The following TNFAIP8 variants were observed in gnomAD, a reference collection of about 807,000 sequenced individuals.
TNFAIP8 encodes tumor necrosis factor alpha-induced protein 8.
In TNFAIP8, 7 loss-of-function variants were observed where a neutral mutation model predicts 13.3. That is an observed-to-expected ratio of 0.52 (90% CI 0.30 to 0.99). TNFAIP8 has a LOEUF of 0.99. TNFAIP8 is among the 50% of genes least tolerant of loss of function. The probability of loss-of-function intolerance (pLI) is 0.07; values close to 1 mark genes in which losing one functional copy is unlikely to be tolerated. For synonymous variants in TNFAIP8, 94 were observed against 87.6 expected (o/e 1.07, Z -0.41); for missense variants, 258 against 236.9 (o/e 1.09, Z -0.58).
intron 1 of TNFAIP8, among the ~76,000 whole-genome samples, chr5:119,313,168 G>A (rs765651454): frequency 4.6e-5 from 7 of 152,168 alleles, no homozygotes; most frequent in Non-Finnish European, 8.8e-5. Flanking sequence ...GGTCAGCTTC[G>A]TATTTGTCAT....
intron 1 of TNFAIP8, among the ~76,000 whole-genome samples, chr5:119,275,563 G>C (rs1413696794): frequency 1.3e-5 from 2 of 150,526 alleles, no homozygotes; most frequent in East Asian, 3.9e-4. Context: ...AATCTATTCT[G>C]TTCTCAGAGT....
intron 1 of TNFAIP8, among the ~76,000 whole-genome samples, chr5:119,341,401 T>G (rs1750732774): frequency 6.7e-6 from 1 of 150,350 alleles, no homozygotes; most frequent in African/African-American, 2.5e-5. Context: ...GCATTGAAGT[T>G]CAGTTAAAAA....
At chr5:119,339,512 A>G (rs1308476552) in intron 1 of TNFAIP8, among the ~76,000 whole-genome samples, 2 of 120,006 alleles carry the variant, frequency 1.7e-5, no homozygotes, top group East Asian at 4.8e-4. Context: ...GTGACTGGCT[A>G]TGGTATGTAG....
intron 1 of TNFAIP8, among the ~76,000 whole-genome samples, chr5:119,389,748 C>T (rs542023905): frequency 2.0e-5 from 3 of 152,106 alleles, no homozygotes; most frequent in Admixed American, 6.5e-5. Flanking sequence ...TTTAAAAAGA[C>T]GACTTCACTG....
chr5:119,354,048 G>A (rs1164924747), upstream of TNFAIP8, among the ~76,000 whole-genome samples: 3 of 152,222 alleles, frequency 2.0e-5, no homozygotes, highest in Non-Finnish European at 2.9e-5. Flanking sequence ...GGGGCAGAAT[G>A]TTGACTTGGG....
Position 119,393,295 on chromosome 5 carries a change from T to C in TNFAIP8, c.511T>C (p.Leu171=). The change falls in exon 2 of 2, where the codon TTG becomes CTG. Residue 171 remains leucine (L), a synonymous_variant. Transcript: ENST00000504771. ...HFSDCEFLAA[L]YNPFGNFKPH... ...TTCAGATTGTGAATTTTTGGCTGCC[T>C]TGTATAATCCTTTTGGGAATTTTAA... 6.2e-7 allele frequency: 1 copy of C among 1,614,046 alleles called. No homozygotes were observed. Among genetic ancestry groups the C allele is most frequent in the Non-Finnish European group, 8.5e-7 (1 of 1,179,882 alleles).
chr5:119,289,288 G>T (rs1322569941), intron 1 of TNFAIP8, among the ~76,000 whole-genome samples: 1 of 147,112 alleles, frequency 6.8e-6, no homozygotes, highest in Non-Finnish European at 1.5e-5. Flanking sequence ...TGAAAGAACT[G>T]CCAAAAGATT....
intron 1 of TNFAIP8, among the ~76,000 whole-genome samples, chr5:119,390,424 G>A (rs963322272): frequency 6.6e-6 from 1 of 152,098 alleles, no homozygotes; most frequent in Non-Finnish European, 1.5e-5. Flanking sequence ...ATTCTTTAGT[G>A]TGAATTAATC....
chr5:119,316,709 G>A (rs942113817), intron 1 of TNFAIP8, among the ~76,000 whole-genome samples: 36 of 152,138 alleles, frequency 2.4e-4, no homozygotes, highest in African/African-American at 8.4e-4. Flanking sequence ...TGAGACTCAG[G>A]TATCAGTATT....
chr5:119,335,195 A>G (rs1750513802), intron 1 of TNFAIP8, among the ~76,000 whole-genome samples: 1 of 152,080 alleles, frequency 6.6e-6, no homozygotes, highest in Non-Finnish European at 1.5e-5. Context: ...TGCCTGTGGG[A>G]GCATCACCAC....
intron 1 of TNFAIP8, among the ~76,000 whole-genome samples, chr5:119,275,302 C>A (rs1748406514): frequency 6.6e-6 from 1 of 152,178 alleles, no homozygotes; most frequent in South Asian, 2.1e-4. Context: ...ATTGGAGAGT[C>A]TGCCCAGTGT....
At chr5:119,341,704 AT>A (rs950119074) in intron 1 of TNFAIP8, among the ~76,000 whole-genome samples, 2 of 151,268 alleles carry the variant, frequency 1.3e-5, no homozygotes, top group South Asian at 2.1e-4. Flanking sequence ...CACGGAAGTC[AT>A]TTTTTTTTGG....
chr5:119,362,268 G>A (rs1751663991), intron 1 of TNFAIP8, among the ~76,000 whole-genome samples: 1 of 152,214 alleles, frequency 6.6e-6, no homozygotes, highest in Non-Finnish European at 1.5e-5. Flanking sequence ...GCTGGGATCA[G>A]GAAGAATGTC....
intron 1 of TNFAIP8, among the ~76,000 whole-genome samples, chr5:119,274,769 ACATCATTAT>A (rs923750296): frequency 3.9e-5 from 6 of 152,212 alleles, no homozygotes; most frequent in Non-Finnish European, 7.3e-5. Flanking sequence ...TAGTTTGAGA[ACATCATTAT>A]CTGGGCAGCT....
rs574580398 is a variant in TNFAIP8, at chr5:119,394,386, T to C, written c.*1005T>C. The C allele has an allele frequency of 9.3e-4, 141 of 152,282 alleles. No homozygotes were observed. The highest frequency in any genetic ancestry group is 3.2e-3 in the African/African-American group (131 of 41,552). 9.4% of individuals were successfully genotyped at this position (152,282 alleles called of 1,614,324 possible). On this transcript the variant is annotated 3_prime_UTR_variant, in exon 2 of 2. Coordinates refer to ENST00000504771, the MANE Select transcript of TNFAIP8 (RefSeq NM_014350.4). ...AAAGAATGTCACTTTTTTATTTAAC[T>C]GATAAGATTTTTGTTATTTTTTACT...
upstream of TNFAIP8, among the ~76,000 whole-genome samples, chr5:119,353,490 T>C (rs1353447542): frequency 1.3e-5 from 2 of 152,218 alleles, no homozygotes; most frequent in African/African-American, 4.8e-5. Flanking sequence ...CCTTTTAAAA[T>C]AAGCTGAGCA....
upstream of TNFAIP8, chr5:119,355,895 T>G: frequency 4.1e-6 from 5 of 1,215,678 alleles, no homozygotes; most frequent in East Asian, 4.4e-5. Flanking sequence ...TGACACGCGA[T>G]TCGTCACTCT....
chr5:119,285,711 T>C (rs1031407707), intron 1 of TNFAIP8, among the ~76,000 whole-genome samples: 1 of 152,222 alleles, frequency 6.6e-6, no homozygotes, highest in African/African-American at 2.4e-5. Flanking sequence ...AGTGAATTAA[T>C]TTTGATACAA....
chr5:119,386,195 A>G (rs563610506), intron 1 of TNFAIP8, among the ~76,000 whole-genome samples: 1 of 152,228 alleles, frequency 6.6e-6, no homozygotes, highest in Non-Finnish European at 1.5e-5. Context: ...GTTTTTTAAG[A>G]GGATAAATTC....
Sources: gnomAD v4.1 joint callset for allele counts (sites outside exome capture counted in the v4.1 genomes callset) on GRCh38, gnomAD v4.1.1 for gene constraint, MANE v1.5 for transcripts, NCBI Gene and HGNC (gene_info 2026-07-23, HGNC 2026-07-21) for gene names.